Variants in DDX55 observed in about 807,000 individuals in gnomAD.
DDX55 encodes ATP-dependent RNA helicase DDX55.
A neutral mutation model predicts 69.2 loss-of-function variants in DDX55; 56 were observed. That is an observed-to-expected ratio of 0.81 (90% CI 0.65 to 1.01). The LOEUF (loss-of-function observed/expected upper bound fraction) is 1.01. Among genes scored for constraint, DDX55 ranks in the 50% least tolerant of loss-of-function variants. The pLI is 0.00. For missense variants in DDX55, 720 were observed against 745.1 expected (o/e 0.97, Z 0.39); for synonymous variants, 268 against 273.1 (o/e 0.98, Z 0.18).
chr12:123,616,678 A>C lies in DDX55; in HGVS notation c.1049+75A>C, dbSNP rs1443530754. On this transcript the variant is annotated intron_variant, in intron 10 of 13. Transcript: ENST00000238146. ...AAAGGAGGAATCCCGAAGAAGATAA[A>C]CAGATAATGATGTTCACTGAAACAT... The C allele has an allele frequency of 1.5e-5, 22 of 1,445,182 alleles. No individual in the cohort carries two copies. The East Asian group carries it at 5.0e-4, about 33-fold the overall frequency. The allele number at this position is 1,445,182 out of a possible 1,614,324, so 89.5% of individuals were successfully genotyped here.
chr12:123,617,833 G>A lies in DDX55; in HGVS notation c.1125G>A (p.Met375Ile). ...GCGCTCTGGTGTTCCTCCTGCCCAT[G>A]GAAGAGTCATACATCAATTTCCTTG... ...GGSALVFLLP[M>I]EESYINFLAI... Residue 375 changes from methionine (M) to isoleucine (I), a missense_variant, in exon 11 of 14, where the codon ATG becomes ATA. Transcript: ENST00000238146. 1 of 1,614,174 alleles carries A rather than the reference G, an allele frequency of 6.2e-7. No individual in the cohort carries two copies.
chr12:123,619,507 A>G lies in DDX55; in HGVS notation c.1409A>G (p.Gln470Arg), dbSNP rs140490533. The stretch of plus-strand genomic sequence containing the variant: ...AAGATGCCAGAATTGAGAGGAAAGC[A>G]GTTTCCAGATTTTGTGCCCGTGGAC... ...MPKMPELRGK[Q>R]FPDFVPVDVN... The change falls in exon 13 of 14, where the codon CAG (glutamine) becomes CGG (arginine). Residue 470 changes from glutamine to arginine, a missense_variant. By Grantham distance (43) the Gln-to-Arg change is conservative. Transcript: ENST00000238146. The G allele has an allele frequency of 1.2e-6, 2 of 1,614,028 alleles. No individual in the cohort carries two copies. Among genetic ancestry groups the G allele is most frequent in the African/African-American group, 1.3e-5 (1 of 75,028 alleles).
intron 2 of DDX55, 21 bp downstream of exon 2, chr12:123,606,002 C>G: frequency 6.2e-7 from 1 of 1,614,124 alleles, no homozygotes; most frequent in Non-Finnish European, 8.5e-7. Flanking sequence ...CGGGTATGTG[C>G]AGCCTGTCCT....
At chr12:123,610,273 G>T in intron 7 of DDX55, 145 bp downstream of exon 7, 1 of 1,009,748 alleles carries the variant, frequency 9.9e-7, no homozygotes. Context: ...AATGGCCTGA[G>T]TGGTCCTACT....
chr12:123,605,791 A>C, intron 1 of DDX55, 140 bp from the exon 2 acceptor site: 1 of 1,117,306 alleles, frequency 9.0e-7, no homozygotes, highest in Non-Finnish European at 1.4e-6. Context: ...CAACTTCTCT[A>C]TGGTGACTTG....
At chr12:123,614,236 C>G (rs1161890383) in intron 8 of DDX55, among the ~76,000 whole-genome samples, 1 of 152,154 alleles carries the variant, frequency 6.6e-6, no homozygotes, top group Admixed American at 6.5e-5. Context: ...TCAGAACCCA[C>G]CAGGTCTGTG....
chr12:123,618,039 G>A lies in DDX55; in HGVS notation c.1164+167G>A, dbSNP rs1290489361. ...GGTTTTTTTTTTTTTTTTTTGAGAC[G>A]GAGTTTCACTCTTGTTGCCCAGGCT... is the stretch of plus-strand genomic sequence containing the variant. On this transcript the variant is annotated intron_variant, in intron 11 of 13. Coordinates refer to ENST00000238146, the MANE Select transcript of DDX55 (RefSeq NM_020936.3). 2.5e-5 allele frequency: 14 copies of A among 566,368 alleles called. No homozygotes were observed. In the Admixed American group the frequency reaches 3.5e-4, roughly 14 times the overall value. 35.1% of individuals were successfully genotyped at this position (566,368 alleles called of 1,614,324 possible). A position where few individuals can be genotyped will look rare whatever the true frequency, so the allele number is the denominator to read the frequency against.
rs760414897 is a variant in DDX55, at chr12:123,610,094, A to G, written c.707A>G (p.Gln236Arg). 2 of 1,614,128 alleles carry G rather than the reference A, an allele frequency of 1.2e-6. No homozygotes were observed. Among genetic ancestry groups the G allele is most frequent in the Non-Finnish European group, 8.5e-7 (1 of 1,180,022 alleles). Reference protein sequence around the residue: ...KEKGVAASSAQKTPSRLENYY... With the variant: ...KEKGVAASSARKTPSRLENYY... Reference sequence around the variant, plus strand: ...AAGGGCGTGGCAGCCAGCAGTGCCCAGAAGACCCCCTCCCGCCTGGAAAAC... The same window carrying G: ...AAGGGCGTGGCAGCCAGCAGTGCCCGGAAGACCCCCTCCCGCCTGGAAAAC... The change falls in exon 7 of 14, where the codon CAG becomes CGG. Residue 236 changes from glutamine to arginine, a missense_variant. Coordinates refer to ENST00000238146, the MANE Select transcript of DDX55 (RefSeq NM_020936.3).
chr12:123,617,568 C>T (rs73414282), intron 10 of DDX55, among the ~76,000 whole-genome samples, 190 bp from the exon 11 acceptor site: 1,637 of 152,356 alleles, frequency 0.011, 31 homozygotes, highest in African/African-American at 0.037. Context: ...CTTACAGAAT[C>T]GTATCTGTTT....
rs1954902809 is a variant in DDX55, at chr12:123,618,746, C to A, written c.1242C>A (p.Asp414Glu). ...AACTCAAGTCCATGGCCCTGGCTGA[C>A]AGAGCTGTGTTTGAAAAGGGCATGA... Reference protein sequence around the residue: ...LPKLKSMALADRAVFEKGMKA... With the variant: ...LPKLKSMALAERAVFEKGMKA... The change falls in exon 12 of 14, where the codon GAC (aspartate) becomes GAA (glutamate). Residue 414 changes from aspartate (D) to glutamate (E), a missense_variant. Asp to Glu is a conservative substitution (Grantham distance 45). Coordinates refer to ENST00000238146, the MANE Select transcript of DDX55 (RefSeq NM_020936.3). 5 of 1,613,984 alleles carry A rather than the reference C, an allele frequency of 3.1e-6. No individual in the cohort carries two copies. Among genetic ancestry groups the A allele is most frequent in the African/African-American group, 2.7e-5 (2 of 74,870 alleles).
At chr12:123,606,332 C>T (rs926616800) in intron 3 of DDX55, among the ~76,000 whole-genome samples, 173 bp downstream of exon 3, 1 of 151,920 alleles carries the variant, frequency 6.6e-6, no homozygotes, top group Non-Finnish European at 1.5e-5. Context: ...AGTTTGAGAC[C>T]AGCCTGGGCA....
chr12:123,613,067 G>A (rs1230450775), intron 7 of DDX55, 103 bp from the exon 8 acceptor site: 6 of 1,209,852 alleles, frequency 5.0e-6, no homozygotes, highest in Non-Finnish European at 7.2e-6. Context: ...CCTACCCATG[G>A]GGGAAATGAC....
Position 123,619,947 on chromosome 12 carries a change from G to T in DDX55, c.1627-17G>T. 6.2e-7 allele frequency: 1 copy of T among 1,600,312 alleles called. No homozygotes were observed. The highest frequency in any genetic ancestry group is 8.5e-7 in the Non-Finnish European group (1 of 1,174,552). On this transcript the variant is annotated splice_polypyrimidine_tract_variant and intron_variant, in intron 13 of 13. Coordinates refer to ENST00000238146, the MANE Select transcript of DDX55 (RefSeq NM_020936.3). ...TGCTGAAAAATTTAGTAGTTTATTG[G>T]TTTCTTCTGCACTTAGGGTTCTGAT...
chr12:123,614,025 T>C (rs896998482), intron 8 of DDX55, among the ~76,000 whole-genome samples: 1 of 151,970 alleles, frequency 6.6e-6, no homozygotes, highest in Non-Finnish European at 1.5e-5. Flanking sequence ...TTATAATTTC[T>C]TTTCTATCTG....
chr12:123,618,710 C>T lies in DDX55; in HGVS notation c.1206C>T (p.Asp402=), dbSNP rs1341338467. The change falls in exon 12 of 14, where the codon GAC becomes GAT. Residue 402 remains aspartate, a synonymous_variant. Transcript: ENST00000238146. ...QEMKPQRNTA[D]LLPKLKSMAL... ...TGAAGCCCCAGAGAAACACAGCGGA[C>T]CTTCTGCCAAAACTCAAGTCCATGG... The T allele has an allele frequency of 6.2e-6, 10 of 1,614,118 alleles. No homozygotes were observed. Among genetic ancestry groups the T allele is most frequent in the Non-Finnish European group, 8.5e-6 (10 of 1,180,030 alleles).
intron 7 of DDX55, among the ~76,000 whole-genome samples, chr12:123,612,710 G>A (rs569237497): frequency 1.3e-4 from 19 of 151,976 alleles, no homozygotes; most frequent in Admixed American, 6.5e-4. Context: ...TTGGCTGGGC[G>A]AGGTGGCTCA....
intron 1 of DDX55, among the ~76,000 whole-genome samples, chr12:123,604,297 C>T (rs551428841): frequency 7.9e-5 from 12 of 151,766 alleles, no homozygotes; most frequent in African/African-American, 2.7e-4. Flanking sequence ...AATCCTAGCA[C>T]TTTTGGAGAC....
chr12:123,619,472 G>A lies in DDX55; in HGVS notation c.1374G>A (p.Leu458=). Residue 458 remains leucine, a synonymous_variant, in exon 13 of 14, where the codon CTG becomes CTA. Transcript: ENST00000238146. ...FASLARGFAL[L]RMPKMPELRG... The stretch of plus-strand genomic sequence containing the variant: ...GCCTTGCTCGAGGTTTTGCCCTGCT[G>A]AGGATGCCCAAGATGCCAGAATTGA... 6.2e-7 allele frequency: 1 copy of A among 1,613,876 alleles called. No individual in the cohort carries two copies. The highest frequency in any genetic ancestry group is 2.2e-5 in the East Asian group (1 of 44,878).
rs1304949657 is a variant in DDX55 at position 123,620,618 on chromosome 12, A to G, written c.*478A>G. The G allele has an allele frequency of 4.4e-5, 4 of 90,918 alleles. No homozygotes were observed. Among genetic ancestry groups the G allele is most frequent in the African/African-American group, 1.7e-4 (4 of 23,734 alleles). The allele number at this position is 90,918 out of a possible 1,614,324, so 5.6% of individuals were successfully genotyped here. ...TATATATATATATATATATATATAT[A>G]TATATATATAAGCTCTTTTTTCTGA... is the stretch of plus-strand genomic sequence containing the variant. On this transcript the variant is annotated 3_prime_UTR_variant, in exon 14 of 14. Coordinates refer to ENST00000238146, the MANE Select transcript of DDX55 (RefSeq NM_020936.3).
Sources: allele counts gnomAD v4.1 joint callset (sites outside exome capture counted in the v4.1 genomes callset), GRCh38; gene constraint gnomAD v4.1.1; transcripts MANE v1.5; gene names NCBI Gene and HGNC (gene_info 2026-07-23, HGNC 2026-07-21).